TAFA5: variants seen among roughly 807,000 people sequenced by gnomAD.
The protein encoded by TAFA5 is chemokine-like protein TAFA-5.
Under a neutral mutation model 15.3 loss-of-function variants are expected in TAFA5, and 6 were observed. That is an observed-to-expected ratio of 0.39 (90% CI 0.21 to 0.77). The LOEUF (loss-of-function observed/expected upper bound fraction) is 0.77, where lower values mean the gene tolerates loss of function less well. Among genes scored for constraint, TAFA5 ranks in the 30% least tolerant of loss-of-function variants. The probability of loss-of-function intolerance (pLI) is 0.41; values close to 1 mark genes in which losing one functional copy is unlikely to be tolerated. For missense variants in TAFA5, 161 were observed against 193.1 expected (o/e 0.83, Z 0.98); for synonymous variants, 103 against 80.7 (o/e 1.28, Z -1.48).
intron 2 of TAFA5, among the ~76,000 whole-genome samples, chr22:48,651,070 G>A (rs80238289): frequency 0.013 from 1,931 of 152,350 alleles, 37 homozygotes; most frequent in African/African-American, 0.043. Flanking sequence ...CTGAAGCAAG[G>A]TCTTCCTTTA....
At chr22:48,677,996 A>G (rs73889567) in intron 2 of TAFA5, among the ~76,000 whole-genome samples, 1 of 150,586 alleles carries the variant, frequency 6.6e-6, no homozygotes. Context: ...AGAGCTCCCC[A>G]TTCCTGCATC....
Position 48,702,699 on chromosome 22 carries a change from G to A in TAFA5, c.263-5018G>A, listed in dbSNP as rs1027320968. Among the ~76,000 whole-genome samples the A allele has an allele frequency of 7.2e-5, 11 of 152,330 alleles. No homozygotes were observed. The East Asian group carries it at 1.2e-3, about 16-fold the overall frequency. On this transcript the variant is annotated intron_variant, in intron 2 of 3. Transcript: ENST00000402357. ...AGCTCTGTCAGCCCCTGGGCACGCC[G>A]CTTCCCTTCCCTGAGAGCTATTGCA... is the stretch of plus-strand genomic sequence containing the variant.
intron 2 of TAFA5, among the ~76,000 whole-genome samples, chr22:48,650,778 T>C (rs1042920216): frequency 6.6e-6 from 1 of 151,546 alleles, no homozygotes; most frequent in Non-Finnish European, 1.5e-5. Flanking sequence ...TTTCCATCCT[T>C]ACACACAGTA....
chr22:48,489,633 C>T lies in TAFA5; in HGVS notation c.41C>T (p.Thr14Ile), dbSNP rs758059911. Residue 14 changes from threonine (T) to isoleucine (I), a missense_variant, in exon 1 of 4, where the codon ACC becomes ATC. Physicochemically the swap from Thr to Ile is moderately conservative, Grantham distance 89. Transcript: ENST00000402357. The surrounding 1 kb of genome is among the most constrained non-coding windows in gnomAD (Gnocchi z 5.5). ...AGGACCGGCAGCCGGCAAGATGCGA[C>T]CGCCCTGCCCAGCATGTCCTCAACT... is the stretch of plus-strand genomic sequence containing the variant. ...SPRTGSRQDA[T>I]ALPSMSSTFW... is the part of the protein sequence containing the mutation. The T allele has an allele frequency of 2.0e-6, 3 of 1,517,574 alleles. No individual in the cohort carries two copies. In the African/African-American group the frequency reaches 4.3e-5, roughly 22 times the overall value. The allele number at this position is 1,517,574 out of a possible 1,614,324, so 94.0% of individuals were successfully genotyped here. A position where few individuals can be genotyped will look rare whatever the true frequency, so the allele number is the denominator to read the frequency against.
At chr22:48,707,563 G>A (rs1261700139) in intron 2 of TAFA5, among the ~76,000 whole-genome samples, 154 bp from the exon 3 acceptor site, 1 of 152,146 alleles carries the variant, frequency 6.6e-6, no homozygotes, top group Non-Finnish European at 1.5e-5. Context: ...AAAGCCCCTG[G>A]GCCCAGTGTC....
intron 2 of TAFA5, among the ~76,000 whole-genome samples, chr22:48,662,322 G>T (rs1927468824): frequency 6.6e-6 from 1 of 152,162 alleles, no homozygotes; most frequent in African/African-American, 2.4e-5. Flanking sequence ...CCTGCCGGGA[G>T]CCTCGGGGGT....
rs532686114 is a variant in TAFA5 at position 48,617,245 on chromosome 22, A to G, written c.113-29352A>G. Among the ~76,000 whole-genome samples, 845 of 115,380 alleles carry G rather than the reference A, an allele frequency of 7.3e-3. 6 individuals are homozygous for G. Among genetic ancestry groups the G allele is most frequent in the African/African-American group, 0.022 (783 of 35,200 alleles). 75.7% of individuals were successfully genotyped at this position (115,380 alleles called of 152,430 possible). ...ACAGGCGTCCTGGGAAGAGGAGGCA[A>G]AAGGGGCATGAGGACAAAGCAGAGA... On this transcript the variant is annotated intron_variant, in intron 1 of 3. Transcript: ENST00000402357.
At chr22:48,548,805 CTT>C (rs1922765617) in intron 1 of TAFA5, among the ~76,000 whole-genome samples, 1 of 152,260 alleles carries the variant, frequency 6.6e-6, no homozygotes, top group Admixed American at 6.5e-5. Flanking sequence ...ACCGAAGTCT[CTT>C]ATCTCCTGGC....
Position 48,556,762 on chromosome 22 carries a change from A to AC in TAFA5, c.112+67064dup, listed in dbSNP as rs35717232. Among the ~76,000 whole-genome samples the AC allele has an allele frequency of 1.3e-4, 20 of 151,886 alleles. No individual in the cohort carries two copies. In the South Asian group the frequency reaches 4.2e-3, roughly 32 times the overall value. On this transcript the variant is annotated intron_variant, in intron 1 of 3. Coordinates refer to ENST00000402357, the MANE Select transcript of TAFA5 (RefSeq NM_001082967.3). ...TCCCCTCGAGGCTGTTCTCAGGGAC[A>AC]CCCCCCTAGGCAGGGTCCCACCTGA... is the stretch of plus-strand genomic sequence containing the variant.
At chr22:48,579,102 G>A (rs1218811541) in intron 1 of TAFA5, among the ~76,000 whole-genome samples, 2 of 149,466 alleles carry the variant, frequency 1.3e-5, no homozygotes, top group African/African-American at 4.9e-5. Flanking sequence ...TTTGTGTGGA[G>A]ATAGAGGCCA....
intron 1 of TAFA5, among the ~76,000 whole-genome samples, chr22:48,508,540 C>T (rs12233367): frequency 6.6e-5 from 10 of 152,186 alleles, no homozygotes; most frequent in African/African-American, 1.7e-4. Flanking sequence ...CCCAGAGCCA[C>T]GTATGGGGCC....
At chr22:48,654,110 G>A (rs575781255) in intron 2 of TAFA5, among the ~76,000 whole-genome samples, 87 of 152,114 alleles carry the variant, frequency 5.7e-4, no homozygotes, top group Admixed American at 1.2e-3. Context: ...TCACGTTGGC[G>A]CCGCGGCTCT....
intron 1 of TAFA5, among the ~76,000 whole-genome samples, chr22:48,557,194 T>A (rs1923071258): frequency 2.0e-5 from 3 of 152,168 alleles, no homozygotes; most frequent in Admixed American, 2.0e-4. Flanking sequence ...AACATGACTG[T>A]ACTTGGAGAC....
At chr22:48,582,663 C>CA (rs1314634007) in intron 1 of TAFA5, among the ~76,000 whole-genome samples, 1 of 150,858 alleles carries the variant, frequency 6.6e-6, no homozygotes, top group African/African-American at 2.4e-5. Flanking sequence ...ACACCACACA[C>CA]AAAATACACC....
intron 1 of TAFA5, chr22:48,576,241 C>A: frequency 6.9e-6 from 3 of 437,868 alleles, no homozygotes; most frequent in Non-Finnish European, 1.1e-5. Flanking sequence ...GCTAACCTCC[C>A]CGCCCCCGCC....
At chr22:48,533,450 C>A (rs899312085) in intron 1 of TAFA5, among the ~76,000 whole-genome samples, 1 of 152,198 alleles carries the variant, frequency 6.6e-6, no homozygotes, top group South Asian at 2.1e-4. Flanking sequence ...AGCACGAGGT[C>A]TTCAGCGTCT....
chr22:48,660,436 A>G (rs1254786378), intron 2 of TAFA5, among the ~76,000 whole-genome samples: 1 of 152,230 alleles, frequency 6.6e-6, no homozygotes, highest in Non-Finnish European at 1.5e-5. Context: ...TGTTGCCATC[A>G]AGAGGTCCAG....
At chr22:48,736,124 TC>T (rs1473789879) in intron 3 of TAFA5, among the ~76,000 whole-genome samples, 159 of 18,182 alleles carry the variant, frequency 8.7e-3, no homozygotes, top group Non-Finnish European at 0.013. Flanking sequence ...CTAGAGTCCA[TC>T]CCCCCAGGAG....
In TAFA5 at chr22:48,543,140, C is replaced by T. The variant is rs756618052; in HGVS notation, c.112+53436C>T. On this transcript the variant is annotated intron_variant, in intron 1 of 3. Transcript: ENST00000402357. ...CCTCCACGTCCTCCCCTGGCATCTG[C>T]GTCTCTGAACATCTCCTGGGGAGCC... Among the ~76,000 whole-genome samples the T allele has an allele frequency of 9.9e-5, 15 of 151,988 alleles. 1 individual carries two copies. The highest frequency in any genetic ancestry group is 2.1e-4 in the Non-Finnish European group (14 of 67,978).
Sources: allele counts gnomAD v4.1 joint callset (sites outside exome capture counted in the v4.1 genomes callset), GRCh38; gene constraint gnomAD v4.1.1; non-coding constraint Gnocchi (gnomAD v3.1); transcripts MANE v1.5; gene names NCBI Gene and HGNC (gene_info 2026-07-23, HGNC 2026-07-21).